Variants in ZFHX4 observed in about 807,000 individuals in gnomAD.
The protein encoded by ZFHX4 is zinc finger homeobox protein 4.
Under a neutral mutation model 267.6 loss-of-function variants are expected in ZFHX4, and 56 were observed. The observed-to-expected ratio is 0.21, with a 90% CI of 0.17 to 0.26. The LOEUF is 0.26. Ranked by LOEUF, ZFHX4 falls within the 10% of genes least tolerant of loss-of-function variation. The pLI is 1.00. For missense variants in ZFHX4, 4,332 were observed against 4,420.0 expected, an observed-to-expected ratio of 0.98 and a Z score of 0.56; for synonymous variants, 1,778 against 1,665.6, an observed-to-expected ratio of 1.07 and a Z score of -1.64.
intron 6 of ZFHX4, among the ~76,000 whole-genome samples, chr8:76,846,929 C>T (rs191724917): frequency 1.2e-4 from 18 of 152,204 alleles, no homozygotes; most frequent in Non-Finnish European, 2.6e-4. Flanking sequence ...GGACCTGGAT[C>T]GACTTATTGG....
chr8:76,780,215 T>A (rs1328329048), intron 4 of ZFHX4, among the ~76,000 whole-genome samples: 1 of 152,154 alleles, frequency 6.6e-6, no homozygotes, highest in Non-Finnish European at 1.5e-5. Flanking sequence ...AAATCTTCTA[T>A]TTTTTGTTTT....
At chr8:76,703,323 C>T (rs1345878827) in intron 1 of ZFHX4, among the ~76,000 whole-genome samples, 1 of 152,018 alleles carries the variant, frequency 6.6e-6, no homozygotes, top group Non-Finnish European at 1.5e-5. Context: ...GTGATTGTCC[C>T]CTAGGATGAT....
chr8:76,747,401 A>AGATT (rs1332150590), intron 3 of ZFHX4, among the ~76,000 whole-genome samples: 1 of 152,136 alleles, frequency 6.6e-6, no homozygotes, highest in Non-Finnish European at 1.5e-5. Context: ...ACCAATAAGT[A>AGATT]GATTTCGATC....
At chr8:76,709,573 G>A (rs1375010233) in intron 3 of ZFHX4, among the ~76,000 whole-genome samples, 3 of 151,986 alleles carry the variant, frequency 2.0e-5, no homozygotes, top group African/African-American at 7.3e-5. Flanking sequence ...TAGACCCTGG[G>A]AGCTATATAG....
chr8:76,781,267 A>C (rs932128407), intron 4 of ZFHX4, among the ~76,000 whole-genome samples: 2 of 152,076 alleles, frequency 1.3e-5, no homozygotes, highest in Non-Finnish European at 2.9e-5. Context: ...GATTCCTGAT[A>C]ATGAATTTGC....
chr8:76,715,962 G>T (rs1384262912), intron 3 of ZFHX4, among the ~76,000 whole-genome samples: 1 of 152,116 alleles, frequency 6.6e-6, no homozygotes, highest in Non-Finnish European at 1.5e-5. Flanking sequence ...CAATTTTTAA[G>T]GAGTAGTGCA....
intron 3 of ZFHX4, among the ~76,000 whole-genome samples, chr8:76,717,186 A>AATT (rs891989898): frequency 3.9e-5 from 6 of 152,018 alleles, no homozygotes; most frequent in African/African-American, 1.5e-4. Flanking sequence ...TCTTGTTTTG[A>AATT]ATTATTATTA....
chr8:76,787,014 A>G (rs1810709245), intron 4 of ZFHX4, among the ~76,000 whole-genome samples: 1 of 152,208 alleles, frequency 6.6e-6, no homozygotes, highest in Non-Finnish European at 1.5e-5. Flanking sequence ...TCAGGGTTAC[A>G]CAATCTCTTT....
At chr8:76,800,943 T>C (rs1044792982) in intron 4 of ZFHX4, among the ~76,000 whole-genome samples, 1 of 152,154 alleles carries the variant, frequency 6.6e-6, no homozygotes, top group African/African-American at 2.4e-5. Context: ...TAATGGGAAA[T>C]TTGAGCAGGC....
chr8:76,756,438 G>A (rs1809763495), intron 3 of ZFHX4, among the ~76,000 whole-genome samples: 1 of 152,116 alleles, frequency 6.6e-6, no homozygotes, highest in Non-Finnish European at 1.5e-5. Flanking sequence ...AGACCAGATT[G>A]AGGTTGGGAT....
At chr8:76,727,397 A>G (rs545852881) in intron 3 of ZFHX4, among the ~76,000 whole-genome samples, 6 of 152,310 alleles carry the variant, frequency 3.9e-5, no homozygotes, top group African/African-American at 1.4e-4. Flanking sequence ...AAACATAATA[A>G]TATAGATTTG....
rs748085062 is a variant in ZFHX4 at position 76,778,332 on chromosome 8, A to T, written c.3218A>T (p.Gln1073Leu). Residue 1073 changes from glutamine (Q) to leucine (L), a missense_variant, in exon 4 of 11, where the codon CAG (glutamine) becomes CTG (leucine). Physicochemically the swap from Gln to Leu is moderately radical, Grantham distance 113 (BLOSUM62 -2). This residue lies in a region of ZFHX4 where 1,371 missense variants were observed against 1,423.1 expected (regional missense o/e 0.96). Transcript: ENST00000651372. ...VQHVRSVKHQ[Q>L]TEGLRKLQLH... ...CATGTCCGTTCGGTGAAGCATCAGC[A>T]GACTGAGGGCCTACGGAAGCTCCAG... 2 of 1,613,924 alleles carry T rather than the reference A, an allele frequency of 1.2e-6. No individual in the cohort carries two copies. The highest frequency in any genetic ancestry group is 2.2e-5 in the South Asian group (2 of 91,082).
chr8:76,824,345 G>A (rs1811731145), intron 4 of ZFHX4, among the ~76,000 whole-genome samples: 2 of 152,174 alleles, frequency 1.3e-5, no homozygotes, highest in South Asian at 4.1e-4. Flanking sequence ...TTTGTGTACA[G>A]ATGAAAATTT....
intron 4 of ZFHX4, among the ~76,000 whole-genome samples, chr8:76,781,349 C>A (rs1810540740): frequency 6.6e-6 from 1 of 151,978 alleles, no homozygotes; most frequent in African/African-American, 2.4e-5. Context: ...GTCTACTTAA[C>A]AAGCTTTAAG....
chr8:76,734,249 A>G (rs1448019269), intron 3 of ZFHX4, among the ~76,000 whole-genome samples: 1 of 152,200 alleles, frequency 6.6e-6, no homozygotes, highest in African/African-American at 2.4e-5. Context: ...GAGCCTGGTG[A>G]TGAGGCAGTC....
intron 3 of ZFHX4, among the ~76,000 whole-genome samples, chr8:76,717,623 G>T (rs569389473): frequency 5.9e-5 from 9 of 152,254 alleles, no homozygotes; most frequent in African/African-American, 1.9e-4. Context: ...TTGAGATAGG[G>T]TCTTGCTCTG....
chr8:76,726,717 G>A (rs1403330467), intron 3 of ZFHX4, among the ~76,000 whole-genome samples: 1 of 152,122 alleles, frequency 6.6e-6, no homozygotes, highest in Non-Finnish European at 1.5e-5. Flanking sequence ...AGTATTAAAA[G>A]TATTTCATCC....
chr8:76,762,865 C>A (rs766033923), intron 3 of ZFHX4, among the ~76,000 whole-genome samples: 1 of 152,074 alleles, frequency 6.6e-6, no homozygotes, highest in African/African-American at 2.4e-5. Context: ...TTGCCACTTG[C>A]CAAATAAGGT....
intron 5 of ZFHX4, 36 bp from the exon 6 acceptor site, chr8:76,842,619 T>C: frequency 6.6e-7 from 1 of 1,509,672 alleles, no homozygotes; most frequent in Non-Finnish European, 9.0e-7. Flanking sequence ...TTTGGGCGGT[T>C]TTCAGTTCTA....
Sources: gnomAD v4.1 joint callset for allele counts (sites outside exome capture counted in the v4.1 genomes callset) on GRCh38, gnomAD v4.1.1 for gene constraint, gnomAD v4.1.1 regional missense constraint, MANE v1.5 for transcripts, NCBI Gene and HGNC (gene_info 2026-07-23, HGNC 2026-07-21) for gene names.